Variants in SLC35F3 observed in about 807,000 individuals in gnomAD.
SLC35F3 encodes the protein solute carrier family 35 member F3.
In SLC35F3, 25 loss-of-function variants were observed where a neutral mutation model predicts 49.9. That is an observed-to-expected ratio of 0.50 (90% CI 0.37 to 0.70). SLC35F3 has a LOEUF of 0.70. Among genes scored for constraint, SLC35F3 ranks in the 30% least tolerant of loss-of-function variants. The pLI is 0.00. For synonymous variants in SLC35F3, 275 were observed against 265.4 expected (o/e 1.04, Z -0.35); for missense variants, 525 against 639.8 (o/e 0.82, Z 1.94).
intron 2 of SLC35F3, among the ~76,000 whole-genome samples, chr1:234,206,652 C>T (rs904641498): frequency 6.6e-5 from 10 of 152,092 alleles, no homozygotes; most frequent in African/African-American, 2.4e-4. Flanking sequence ...TACCAAGGTC[C>T]CCACCGTAGA....
intron 2 of SLC35F3, among the ~76,000 whole-genome samples, chr1:234,061,746 C>CTT (rs1404545781): frequency 6.6e-6 from 1 of 152,008 alleles, no homozygotes; most frequent in Non-Finnish European, 1.5e-5. Context: ...TGTTGAGTCC[C>CTT]TCTACTAAAT....
chr1:233,939,423 C>T (rs1662386761), intron 2 of SLC35F3, among the ~76,000 whole-genome samples: 1 of 152,154 alleles, frequency 6.6e-6, no homozygotes, highest in South Asian at 2.1e-4. Context: ...CCACTCCACT[C>T]CAGCCTGGGT....
At chr1:234,275,032 A>G (rs661663) in intron 3 of SLC35F3, among the ~76,000 whole-genome samples, 104,479 of 152,026 alleles carry the variant, frequency 0.69, 36,406 homozygotes, top group East Asian at 0.99. Flanking sequence ...ATATATTGCC[A>G]CAACCCTTCT....
At chr1:233,933,874 CG>C (rs1558182667) in intron 2 of SLC35F3, among the ~76,000 whole-genome samples, 1 of 151,974 alleles carries the variant, frequency 6.6e-6, no homozygotes, top group African/African-American at 2.4e-5. Context: ...GGGAAGCACA[CG>C]GAAGAGGAAG....
At chr1:233,915,588 A>G (rs774604202) in intron 2 of SLC35F3, among the ~76,000 whole-genome samples, 5 of 152,168 alleles carry the variant, frequency 3.3e-5, no homozygotes, top group Non-Finnish European at 5.9e-5. Context: ...GAAAAAAAGG[A>G]ATAGAATGAT....
intron 2 of SLC35F3, among the ~76,000 whole-genome samples, chr1:234,087,871 C>T (rs1664983325): frequency 6.6e-6 from 1 of 152,230 alleles, no homozygotes; most frequent in South Asian, 2.1e-4. Context: ...TTTAGCACAA[C>T]ATTCTTCTGC....
At chr1:233,937,566 A>G (rs1465757976) in intron 2 of SLC35F3, among the ~76,000 whole-genome samples, 3 of 152,210 alleles carry the variant, frequency 2.0e-5, no homozygotes, top group Admixed American at 2.0e-4. Context: ...TTTTAGTACT[A>G]AAGTGCCCCA....
chr1:233,912,914 A>T (rs1049557363), intron 2 of SLC35F3, among the ~76,000 whole-genome samples: 1 of 152,238 alleles, frequency 6.6e-6, no homozygotes, highest in Non-Finnish European at 1.5e-5. Flanking sequence ...CAATGTCTGT[A>T]CAGCTGGCAT....
At chr1:234,210,921 C>T (rs1003156173) in intron 2 of SLC35F3, among the ~76,000 whole-genome samples, 1 of 152,250 alleles carries the variant, frequency 6.6e-6, no homozygotes, top group African/African-American at 2.4e-5. Flanking sequence ...ACAACAGCCC[C>T]TTCCATCACA....
chr1:234,208,831 C>G (rs970496973), intron 2 of SLC35F3, among the ~76,000 whole-genome samples: 1 of 152,150 alleles, frequency 6.6e-6, no homozygotes, highest in Non-Finnish European at 1.5e-5. Context: ...TCATTAAATA[C>G]CCATCCAATT....
At position 234,096,065 on chromosome 1, in the gene SLC35F3, G is replaced by A. The variant is rs142187608; in HGVS notation, c.284-135352G>A. ...GAAAATAGTTTCTAGCCCAAACTGT[G>A]CTTATGTTTATCAAAGCAGGCTTTC... On this transcript the variant is annotated intron_variant, in intron 2 of 7. Transcript: ENST00000366618. Among the ~76,000 whole-genome samples the A allele has an allele frequency of 3.2e-3, 484 of 152,254 alleles. 1 individual carries two copies. Among genetic ancestry groups the A allele is most frequent in the African/African-American group, 0.011 (451 of 41,548 alleles).
At chr1:234,232,835 G>A (rs550930213) in intron 3 of SLC35F3, among the ~76,000 whole-genome samples, 2 of 152,262 alleles carry the variant, frequency 1.3e-5, no homozygotes, top group Non-Finnish European at 2.9e-5. Context: ...ATTTCTTTCC[G>A]GGAATCTACC....
At chr1:234,154,997 T>C (rs888403113) in intron 2 of SLC35F3, among the ~76,000 whole-genome samples, 33 of 152,240 alleles carry the variant, frequency 2.2e-4, no homozygotes, top group Non-Finnish European at 4.0e-4. Flanking sequence ...GTGTTATTTG[T>C]ATATAACCTA....
intron 2 of SLC35F3, among the ~76,000 whole-genome samples, chr1:234,175,604 A>G (rs1386517512): frequency 6.8e-6 from 1 of 147,024 alleles, no homozygotes; most frequent in Non-Finnish European, 1.5e-5. Context: ...TCAAGGTTAC[A>G]GTGAGCTGTG....
chr1:233,905,819 C>A, intron 2 of SLC35F3, 61 bp downstream of exon 2: 1 of 1,476,566 alleles, frequency 6.8e-7, no homozygotes, highest in Non-Finnish European at 9.3e-7. Flanking sequence ...ATTGTCACAG[C>A]AGCCTCGGGG....
intron 2 of SLC35F3, among the ~76,000 whole-genome samples, chr1:234,034,061 C>T (rs1664105097): frequency 6.6e-6 from 1 of 152,150 alleles, no homozygotes; most frequent in East Asian, 1.9e-4. Context: ...ACCTTGTGGA[C>T]ATCTTTCACC....
chr1:234,123,043 C>T (rs1434102908), intron 2 of SLC35F3, among the ~76,000 whole-genome samples: 3 of 152,204 alleles, frequency 2.0e-5, no homozygotes, highest in African/African-American at 7.2e-5. Context: ...GGAATTGCCA[C>T]ACTCTCTTCC....
rs116422187 is a variant in SLC35F3 at position 233,970,858 on chromosome 1, A to G, written c.283+65100A>G. Among the ~76,000 whole-genome samples the G allele has an allele frequency of 4.3e-3, 649 of 152,298 alleles. 3 individuals are homozygous for G. Among genetic ancestry groups the G allele is most frequent in the African/African-American group, 0.015 (624 of 41,566 alleles). ...GAGAGCATACATTTCTATTGCTTAA[A>G]CCACTGTTTATGTGGTTCTTTGTTA... On this transcript the variant is annotated intron_variant, in intron 2 of 7. Transcript: ENST00000366618.
chr1:234,142,510 T>C (rs1375966449), intron 2 of SLC35F3, among the ~76,000 whole-genome samples: 1 of 152,170 alleles, frequency 6.6e-6, no homozygotes, highest in African/African-American at 2.4e-5. Flanking sequence ...GAGCAGCCTG[T>C]TGGAATTAGA....
Sources: gnomAD v4.1 joint callset for allele counts (sites outside exome capture counted in the v4.1 genomes callset) on GRCh38, gnomAD v4.1.1 for gene constraint, MANE v1.5 for transcripts, NCBI Gene and HGNC (gene_info 2026-07-23, HGNC 2026-07-21) for gene names.